OSBPL6: variants seen among roughly 807,000 people sequenced by gnomAD.
The protein encoded by OSBPL6 is oxysterol binding protein like 6, also known as oxysterol-binding protein-related protein 6.
Under a neutral mutation model 125.8 loss-of-function variants are expected in OSBPL6, and 49 were observed. The observed-to-expected ratio is 0.39, with a 90% CI of 0.31 to 0.49. OSBPL6 has a LOEUF of 0.49. Among genes scored for constraint, OSBPL6 ranks in the 20% least tolerant of loss-of-function variants. The probability of loss-of-function intolerance (pLI) is 0.88; values close to 1 mark genes in which losing one functional copy is unlikely to be tolerated. For missense variants in OSBPL6, 986 were observed against 1,135.4 expected (o/e 0.87, Z 1.89); for synonymous variants, 394 against 391.8 (o/e 1.01, Z -0.07).
At chr2:178,305,995 A>G in intron 2 of OSBPL6, 35 bp from the exon 3 acceptor site, 1 of 437,120 alleles carries the variant, frequency 2.3e-6, no homozygotes, top group Non-Finnish European at 4.1e-6. Context: ...TTGACTTTTA[A>G]TTACTTATAT....
intron 1 of OSBPL6, among the ~76,000 whole-genome samples, chr2:178,224,859 C>T (rs892733466): frequency 7.9e-5 from 12 of 152,170 alleles, no homozygotes; most frequent in Non-Finnish European, 1.6e-4. Flanking sequence ...CGCTCAAGCC[C>T]GGATGGCAGA....
intron 1 of OSBPL6, among the ~76,000 whole-genome samples, chr2:178,257,526 A>G (rs1208603067): frequency 6.6e-6 from 1 of 152,254 alleles, no homozygotes; most frequent in African/African-American, 2.4e-5. Flanking sequence ...AACAAGGAAT[A>G]TGGCCTATGA....
rs1472228671 is a variant in OSBPL6, at chr2:178,344,309, G to T, written c.987+4545G>T. ...AGGAAGGGCCACCCGCGAAGGGCCA[G>T]TTCAGCACAACTCGGCGCCGGCAGA... On this transcript the variant is annotated intron_variant, in intron 11 of 24. Transcript: ENST00000190611. 1.2e-6 allele frequency: 2 copies of T among 1,614,026 alleles called. No homozygotes were observed. Among genetic ancestry groups the T allele is most frequent in the Non-Finnish European group, 1.7e-6 (2 of 1,180,012 alleles).
chr2:178,263,849 G>A (rs1394633191), intron 1 of OSBPL6, among the ~76,000 whole-genome samples: 1 of 151,280 alleles, frequency 6.6e-6, no homozygotes, highest in Non-Finnish European at 1.5e-5. Context: ...GTGTACACAG[G>A]TGAAACAGAA....
chr2:178,207,788 A>G (rs556529016), intron 1 of OSBPL6, among the ~76,000 whole-genome samples: 1 of 152,160 alleles, frequency 6.6e-6, no homozygotes, highest in South Asian at 2.1e-4. Context: ...GAGGGAGGAT[A>G]TCAAATGTAC....
At chr2:178,195,773 A>C (rs1011130206) in intron 1 of OSBPL6, among the ~76,000 whole-genome samples, 6 of 151,920 alleles carry the variant, frequency 3.9e-5, no homozygotes, top group East Asian at 1.9e-4. Context: ...TGCTGGGCTA[A>C]GTTTAGCCAA....
At chr2:178,262,154 G>A (rs1313217825) in intron 1 of OSBPL6, among the ~76,000 whole-genome samples, 2 of 152,064 alleles carry the variant, frequency 1.3e-5, no homozygotes, top group Non-Finnish European at 2.9e-5. Context: ...TTGAGATGAA[G>A]ACCTGAATTA....
intron 1 of OSBPL6, among the ~76,000 whole-genome samples, chr2:178,259,721 G>A (rs1334581055): frequency 6.6e-6 from 1 of 152,206 alleles, no homozygotes; most frequent in Admixed American, 6.5e-5. Flanking sequence ...TGAACCCAGG[G>A]ATGAACTAAT....
In OSBPL6 at chr2:178,298,697, TTTTTTTTTG is replaced by T. The variant is rs1287365824; in HGVS notation, c.-155-7324_-155-7316del. On this transcript the variant is annotated intron_variant, in intron 2 of 24. Transcript: ENST00000190611. The stretch of plus-strand genomic sequence containing the variant: ...CATGCCCAGCCTATTTTTAGTTGCT[TTTTTTTTTG>T]TTTTTTTTTTTTTGCCGTACTGTTC... Among the ~76,000 whole-genome samples, 210 of 146,630 alleles carry T rather than the reference TTTTTTTTTG, an allele frequency of 1.4e-3. 2 individuals are homozygous for T. The highest frequency in any genetic ancestry group is 4.7e-3 in the African/African-American group (179 of 38,484).
At chr2:178,214,615 G>A (rs894531633) in intron 1 of OSBPL6, among the ~76,000 whole-genome samples, 2 of 152,116 alleles carry the variant, frequency 1.3e-5, no homozygotes, top group Admixed American at 1.3e-4. Context: ...TTCACTTAAA[G>A]TCAACTGATT....
chr2:178,279,880 A>G (rs958217077), intron 1 of OSBPL6, among the ~76,000 whole-genome samples: 6 of 152,182 alleles, frequency 3.9e-5, no homozygotes, highest in African/African-American at 7.2e-5. Flanking sequence ...GCAAGGTAAA[A>G]CAAGACCCAG....
chr2:178,325,367 A>G (rs1405612166), intron 4 of OSBPL6, among the ~76,000 whole-genome samples: 1 of 152,198 alleles, frequency 6.6e-6, no homozygotes, highest in Non-Finnish European at 1.5e-5. Flanking sequence ...TGGAATATAT[A>G]CACTTGAACC....
intron 13 of OSBPL6, among the ~76,000 whole-genome samples, chr2:178,367,708 A>G (rs768579348): frequency 6.6e-6 from 1 of 152,236 alleles, no homozygotes; most frequent in African/African-American, 2.4e-5. Flanking sequence ...TTTCTTGGAT[A>G]TATTAGCCTT....
chr2:178,279,368 G>A (rs561887688), intron 1 of OSBPL6, among the ~76,000 whole-genome samples: 4 of 152,308 alleles, frequency 2.6e-5, no homozygotes, highest in African/African-American at 7.2e-5. Flanking sequence ...AAAGATAATG[G>A]ATCATTTGCT....
intron 13 of OSBPL6, among the ~76,000 whole-genome samples, chr2:178,362,026 G>T (rs993519375): frequency 3.9e-5 from 6 of 152,120 alleles, no homozygotes; most frequent in Non-Finnish European, 8.8e-5. Flanking sequence ...AACCAAACTT[G>T]CTTGTAAGCG....
intron 1 of OSBPL6, among the ~76,000 whole-genome samples, chr2:178,268,904 A>G (rs2092311247): frequency 6.6e-6 from 1 of 152,100 alleles, no homozygotes; most frequent in Non-Finnish European, 1.5e-5. Context: ...GCATGTTGGC[A>G]TCCATCTTTG....
At chr2:178,323,851 TTAGTC>T (rs59398292) in intron 3 of OSBPL6, 4,940 of 171,812 alleles carry the variant, frequency 0.029, 243 homozygotes, top group African/African-American at 0.11. Context: ...GTAAGCCTGA[TTAGTC>T]TAAGTAGAAG....
At chr2:178,194,204 G>A (rs1275710717), upstream of OSBPL6, among the ~76,000 whole-genome samples, 1 of 152,178 alleles carries the variant, frequency 6.6e-6, no homozygotes, top group Non-Finnish European at 1.5e-5. Context: ...CACTGCGGGT[G>A]ATCTCGGGAC....
intron 6 of OSBPL6, among the ~76,000 whole-genome samples, chr2:178,331,901 A>G (rs112432502): frequency 3.8e-4 from 58 of 152,216 alleles, no homozygotes; most frequent in Non-Finnish European, 7.4e-4. Context: ...TTTTTCCTCC[A>G]TCTTCCAATA....
Sources: allele counts gnomAD v4.1 joint callset (sites outside exome capture counted in the v4.1 genomes callset), GRCh38; gene constraint gnomAD v4.1.1; transcripts MANE v1.5; gene names NCBI Gene and HGNC (gene_info 2026-07-23, HGNC 2026-07-21).